Variants in EEFSEC observed in about 807,000 individuals in gnomAD.
The protein encoded by EEFSEC is selenocysteine-specific elongation factor.
In EEFSEC, 43 loss-of-function variants were observed where a neutral mutation model predicts 42.1. The ratio of observed to expected loss-of-function variants is 1.02; its 90% CI spans 0.80 to 1.32. The LOEUF is 1.32. Ranked by LOEUF, EEFSEC falls within the 40% of genes most tolerant of loss-of-function variation. The pLI, the probability that EEFSEC is intolerant of heterozygous loss-of-function variation, is 0.00. For missense variants in EEFSEC, 745 were observed against 803.6 expected, an observed-to-expected ratio of 0.93 and a Z score of 0.88; for synonymous variants, 354 against 339.1, an observed-to-expected ratio of 1.04 and a Z score of -0.48.
chr3:128,401,793 C>G (rs1318960399), intron 6 of EEFSEC, among the ~76,000 whole-genome samples: 1 of 152,078 alleles, frequency 6.6e-6, no homozygotes, highest in Non-Finnish European at 1.5e-5. Flanking sequence ...ATTCCTGCGC[C>G]CACACCTCCC....
At chr3:128,199,773 G>T (rs1057287003) in intron 1 of EEFSEC, among the ~76,000 whole-genome samples, 5 of 152,002 alleles carry the variant, frequency 3.3e-5, no homozygotes, top group Admixed American at 1.3e-4. Flanking sequence ...TCACTCTGTT[G>T]CCCAGGCTGG....
At chr3:128,292,816 AT>A (rs2066658480) in intron 4 of EEFSEC, among the ~76,000 whole-genome samples, 1 of 148,288 alleles carries the variant, frequency 6.7e-6, no homozygotes, top group South Asian at 2.1e-4. Flanking sequence ...TCTCCTCTTT[AT>A]TATTTCCTTT....
chr3:128,366,681 C>T (rs2067594294), intron 6 of EEFSEC, among the ~76,000 whole-genome samples: 1 of 152,226 alleles, frequency 6.6e-6, no homozygotes, highest in African/African-American at 2.4e-5. Flanking sequence ...TGGTATCAGA[C>T]ATAGTGTTGG....
chr3:128,211,848 C>CTTTTTTTTTTTTTTTTT (rs34885945), intron 1 of EEFSEC, among the ~76,000 whole-genome samples: 8 of 51,694 alleles, frequency 1.5e-4, no homozygotes, highest in Non-Finnish European at 1.9e-4. Flanking sequence ...TTTTTCTTTT[C>CTTTTTTTTTTTTTTTTT]TTTTTTTTTT....
intron 1 of EEFSEC, among the ~76,000 whole-genome samples, chr3:128,190,340 A>G (rs571718886): frequency 3.9e-5 from 6 of 152,346 alleles, no homozygotes; most frequent in African/African-American, 1.4e-4. Context: ...GATGTTGATG[A>G]TCCTGACCCT....
chr3:128,339,553 G>A (rs906482200), intron 4 of EEFSEC, among the ~76,000 whole-genome samples: 8 of 152,310 alleles, frequency 5.3e-5, no homozygotes, highest in African/African-American at 1.4e-4. Flanking sequence ...ACTTTTCTAT[G>A]TCTGTTCCTG....
In EEFSEC at chr3:128,408,162, G is replaced by T. The variant is rs755821614; in HGVS notation, c.1694G>T (p.Ser565Ile). 5 of 1,612,914 alleles carry T rather than the reference G, an allele frequency of 3.1e-6. No individual in the cohort carries two copies. Among genetic ancestry groups the T allele is most frequent in the Non-Finnish European group, 4.2e-6 (5 of 1,179,484 alleles). ...GRGEATRQEE[S>I]AERSEPSQHV... ...GGGGAGGCCACCAGGCAGGAGGAGA[G>T]CGCCGAGCGGAGCGAGCCCTCACAG... The change falls in exon 7 of 7, where the codon AGC becomes ATC. Residue 565 changes from serine (S) to isoleucine (I), a missense_variant. Physicochemically the swap from Ser to Ile is moderately radical, Grantham distance 142. Transcript: ENST00000254730.
At chr3:128,228,294 G>A (rs772068537) in intron 1 of EEFSEC, among the ~76,000 whole-genome samples, 1 of 152,154 alleles carries the variant, frequency 6.6e-6, no homozygotes, top group Non-Finnish European at 1.5e-5. Context: ...TCTGAGGAGG[G>A]GCTGTCACCT....
At chr3:128,389,090 A>G (rs1406300198) in intron 6 of EEFSEC, among the ~76,000 whole-genome samples, 1 of 152,238 alleles carries the variant, frequency 6.6e-6, no homozygotes, top group Non-Finnish European at 1.5e-5. Flanking sequence ...GGGCCGAGGC[A>G]GCCTGCGGTG....
chr3:128,284,428 T>G (rs1324508008), intron 4 of EEFSEC, among the ~76,000 whole-genome samples: 1 of 144,254 alleles, frequency 6.9e-6, no homozygotes, highest in African/African-American at 2.6e-5. Flanking sequence ...TGGAGGGCCT[T>G]GGGGGCCTGC....
intron 4 of EEFSEC, among the ~76,000 whole-genome samples, chr3:128,304,859 A>G (rs1257721875): frequency 6.6e-6 from 1 of 152,110 alleles, no homozygotes; most frequent in African/African-American, 2.4e-5. Context: ...GTGTACCACC[A>G]CACCTGGCTA....
intron 1 of EEFSEC, among the ~76,000 whole-genome samples, chr3:128,173,557 T>C (rs1292197387): frequency 6.6e-6 from 1 of 152,224 alleles, no homozygotes; most frequent in Non-Finnish European, 1.5e-5. Context: ...AAATTCAGAT[T>C]GAATAACCAT....
At chr3:128,395,690 C>T (rs2067972929) in intron 6 of EEFSEC, among the ~76,000 whole-genome samples, 1 of 152,342 alleles carries the variant, frequency 6.6e-6, no homozygotes, top group Non-Finnish European at 1.5e-5. Context: ...GTCCAGTGCA[C>T]AGCCCAGCAC....
chr3:128,402,056 C>A (rs888005898), intron 6 of EEFSEC, among the ~76,000 whole-genome samples: 3 of 152,224 alleles, frequency 2.0e-5, no homozygotes, highest in Non-Finnish European at 2.9e-5. Context: ...CCGGTAGGCA[C>A]CGTGCCTTCT....
chr3:128,216,087 AGAG>A (rs1392975580), intron 1 of EEFSEC, among the ~76,000 whole-genome samples: 2 of 152,168 alleles, frequency 1.3e-5, no homozygotes, highest in Non-Finnish European at 2.9e-5. Flanking sequence ...CAAATCTCTC[AGAG>A]GAGGAGAATT....
intron 5 of EEFSEC, among the ~76,000 whole-genome samples, chr3:128,352,028 C>T (rs888714664): frequency 6.6e-6 from 1 of 152,224 alleles, no homozygotes; most frequent in Non-Finnish European, 1.5e-5. Context: ...GGTCTTTCCT[C>T]ATTGGATGTG....
the EEFSEC span, among the ~76,000 whole-genome samples, chr3:128,416,723 CA>C: frequency 1.3e-5 from 2 of 152,094 alleles, no homozygotes; most frequent in Non-Finnish European, 2.9e-5. Flanking sequence ...CAGAGCTGGA[CA>C]GCATGAACTT....
At chr3:128,235,332 G>C (rs1302730607) in intron 1 of EEFSEC, among the ~76,000 whole-genome samples, 1 of 151,982 alleles carries the variant, frequency 6.6e-6, no homozygotes, top group African/African-American at 2.4e-5. Context: ...GCCTCCCAAA[G>C]TGCTGGGATT....
At chr3:128,418,526 C>T in the EEFSEC span, among the ~76,000 whole-genome samples, 2 of 151,862 alleles carry the variant, frequency 1.3e-5, no homozygotes, top group Non-Finnish European at 2.9e-5. Context: ...CCTGGGATCA[C>T]ACCTTAGCAT....
Sources: gnomAD v4.1 joint callset for allele counts (sites outside exome capture counted in the v4.1 genomes callset) on GRCh38, gnomAD v4.1.1 for gene constraint, MANE v1.5 for transcripts, NCBI Gene and HGNC (gene_info 2026-07-23, HGNC 2026-07-21) for gene names.